Variants in FADS3 observed in about 807,000 individuals in gnomAD.
FADS3 encodes fatty acid desaturase 3, also known as cytochrome b5-related protein.
In FADS3, 30 loss-of-function variants were observed where a neutral mutation model predicts 60.4. The observed-to-expected ratio is 0.50, with a 90% CI of 0.37 to 0.67. The LOEUF is 0.67. FADS3 is among the 30% of genes least tolerant of loss of function. The pLI, the probability that FADS3 is intolerant of heterozygous loss-of-function variation, is 0.00. For synonymous variants in FADS3, 234 were observed against 249.3 expected, an observed-to-expected ratio of 0.94 and a Z score of 0.58; for missense variants, 432 against 598.3, an observed-to-expected ratio of 0.72 and a Z score of 2.90.
Position 61,877,682 on chromosome 11 carries a change from C to A in FADS3, c.809-95G>T. ...GGGGCTCTGTTACTCCAGGAATGCC[C>A]CTGGGACGTTGGTGCTGGTCACATC... On this transcript the variant is annotated intron_variant, in intron 6 of 11. Transcript: ENST00000278829. The surrounding 1 kb of genome is among the most constrained non-coding windows in gnomAD (Gnocchi z 4.7). 1 of 1,157,842 alleles carries A rather than the reference C, an allele frequency of 8.6e-7. No homozygotes were observed. The highest frequency in any genetic ancestry group is 1.3e-6 in the Non-Finnish European group (1 of 794,436). The allele number at this position is 1,157,842 out of a possible 1,614,324, so 71.7% of individuals were successfully genotyped here.
chr11:61,882,654 CA>C (rs1938177526), intron 1 of FADS3: 2 of 152,070 alleles, frequency 1.3e-5, no homozygotes, highest in African/African-American at 4.8e-5. Context: ...TGCCTGACTT[CA>C]AGCGATCCTC....
intron 1 of FADS3, among the ~76,000 whole-genome samples, chr11:61,884,569 G>A (rs1938245300): frequency 1.3e-5 from 2 of 152,184 alleles, no homozygotes; most frequent in South Asian, 2.1e-4. Flanking sequence ...GGTCCTTGCC[G>A]TGAGGCCAGT....
chr11:61,874,730 C>T (rs966363244), intron 11 of FADS3, among the ~76,000 whole-genome samples: 98 of 152,286 alleles, frequency 6.4e-4, no homozygotes, highest in African/African-American at 2.3e-3. Context: ...AGACCTCTCC[C>T]CTCCTCCCTG....
At chr11:61,886,762 TTCAA>T (rs1938334522) in intron 1 of FADS3, among the ~76,000 whole-genome samples, 1 of 152,230 alleles carries the variant, frequency 6.6e-6, no homozygotes, top group Non-Finnish European at 1.5e-5. Context: ...GTTAGGCGAA[TTCAA>T]TCAGTTACCA....
rs1182383966 is a variant in FADS3, at chr11:61,876,321, C to G, written c.1080+38G>C. 1 of 1,600,942 alleles carries G rather than the reference C, an allele frequency of 6.2e-7. No individual in the cohort carries two copies. Among genetic ancestry groups the G allele is most frequent in the Non-Finnish European group, 8.5e-7 (1 of 1,171,144 alleles). ...CCATCTGGCTCCTAGCTGGGACCCC[C>G]CACCCCACCCAGGATGGGCCCCACC... is the stretch of plus-strand genomic sequence containing the variant. On this transcript the variant is annotated intron_variant, in intron 9 of 11. Transcript: ENST00000278829. The surrounding 1 kb of genome is among the most constrained non-coding windows in gnomAD (Gnocchi z 5.7).
In FADS3 at chr11:61,877,173, G is replaced by A. The variant is rs1937927255; in HGVS notation, c.886-210C>T. The A allele has an allele frequency of 9.0e-6, 5 of 554,478 alleles. No homozygotes were observed. Among genetic ancestry groups the A allele is most frequent in the African/African-American group, 3.8e-5 (2 of 52,838 alleles). The allele number at this position is 554,478 out of a possible 1,614,324, so 34.3% of individuals were successfully genotyped here. On this transcript the variant is annotated intron_variant, in intron 7 of 11. Coordinates refer to ENST00000278829, the MANE Select transcript of FADS3 (RefSeq NM_021727.5). The surrounding 1 kb of genome is among the most constrained non-coding windows in gnomAD (Gnocchi z 4.7). The stretch of plus-strand genomic sequence containing the variant: ...AGCTCACGAGGCTGATTTTAGTGAC[G>A]AAGGTGTCATGCAGGGTGTGTTGGG...
intron 11 of FADS3, among the ~76,000 whole-genome samples, chr11:61,875,302 G>A (rs1289625694): frequency 1.3e-5 from 2 of 151,498 alleles, no homozygotes; most frequent in East Asian, 3.9e-4. Context: ...GCCCCTGCGA[G>A]TTCAAGTGAT....
chr11:61,877,140 G>A lies in FADS3; in HGVS notation c.886-177C>T, dbSNP rs1937926192. ...AGCTGAGTAAAGGAACAGGGTCCTT[G>A]CCCTGCCAGCTCACGAGGCTGATTT... On this transcript the variant is annotated intron_variant, in intron 7 of 11. Transcript: ENST00000278829. This position sits in a 1 kb window ranked among gnomAD's most constrained non-coding sequence, Gnocchi z 4.7. 5.3e-6 allele frequency: 3 copies of A among 566,654 alleles called. No individual in the cohort carries two copies. The highest frequency in any genetic ancestry group is 9.4e-6 in the Non-Finnish European group (3 of 317,972). 35.1% of individuals were successfully genotyped at this position (566,654 alleles called of 1,614,324 possible). A position where few individuals can be genotyped will look rare whatever the true frequency, so the allele number is the denominator to read the frequency against.
At position 61,877,231 on chromosome 11, in the gene FADS3, G is replaced by C; in HGVS notation, c.886-268C>G. On this transcript the variant is annotated intron_variant, in intron 7 of 11. Transcript: ENST00000278829. The surrounding 1 kb of genome is among the most constrained non-coding windows in gnomAD (Gnocchi z 4.7). ...CTGCCAGGGACACAGATGCCTGGCA[G>C]AGTCAGCCCAGCAACTCCTCCTGGG... 3 of 559,836 alleles carry C rather than the reference G, an allele frequency of 5.4e-6. No homozygotes were observed. The highest frequency in any genetic ancestry group is 9.6e-6 in the Non-Finnish European group (3 of 312,620). The allele number at this position is 559,836 out of a possible 1,614,324, so 34.7% of individuals were successfully genotyped here. A position where few individuals can be genotyped will look rare whatever the true frequency, so the allele number is the denominator to read the frequency against.
In FADS3 at chr11:61,877,508, C is replaced by T; in HGVS notation, c.885+3G>A. On this transcript the variant is annotated splice_donor_region_variant and intron_variant, in intron 7 of 11. Coordinates refer to ENST00000278829, the MANE Select transcript of FADS3 (RefSeq NM_021727.5). The surrounding 1 kb of genome is among the most constrained non-coding windows in gnomAD (Gnocchi z 4.7). ...GCCCGGGGTCCTGGGCAACCCCACT[C>T]ACCGCCCACTGCATGCACACCAGCA... 1 of 1,612,900 alleles carries T rather than the reference C, an allele frequency of 6.2e-7. No homozygotes were observed. The highest frequency in any genetic ancestry group is 1.1e-5 in the South Asian group (1 of 91,080).
chr11:61,882,612 G>A (rs979015975), intron 1 of FADS3: 2 of 152,006 alleles, frequency 1.3e-5, no homozygotes, highest in African/African-American at 4.8e-5. Flanking sequence ...GTAGAGTCAA[G>A]GTCTCACTAT....
chr11:61,890,919 CT>C (rs1938483059), intron 1 of FADS3, among the ~76,000 whole-genome samples: 1 of 152,232 alleles, frequency 6.6e-6, no homozygotes, highest in Non-Finnish European at 1.5e-5. Context: ...ACACACCCAC[CT>C]CTGAGGCCCC....
At position 61,883,407 on chromosome 11, in the gene FADS3, C is replaced by G. The variant is rs192998539; in HGVS notation, c.214-3256G>C. Among the ~76,000 whole-genome samples, 5 of 152,298 alleles carry G rather than the reference C, an allele frequency of 3.3e-5. No homozygotes were observed. The East Asian group carries it at 9.6e-4, about 29-fold the overall frequency. ...TCCTACCTTTTTAAGGCTGAGCCAG[C>G]GTGATGGTGAGTCCCTCTTTCTCCT... On this transcript the variant is annotated intron_variant, in intron 1 of 11. Transcript: ENST00000278829.
intron 1 of FADS3, among the ~76,000 whole-genome samples, chr11:61,885,753 G>A (rs1246084897): frequency 6.6e-6 from 1 of 152,144 alleles, no homozygotes; most frequent in Non-Finnish European, 1.5e-5. Context: ...GGCTGCTGAG[G>A]GCTCAGGTGG....
Position 61,880,141 on chromosome 11 carries a change from C to A in FADS3, c.224G>T (p.Arg75Leu). Residue 75 changes from arginine (R) to leucine (L), a missense_variant, in exon 2 of 12, where the codon CGT (arginine) becomes CTT (leucine). Transcript: ENST00000278829. The part of the protein sequence containing the change: ...HGAEDATDAF[R>L]AFHQDLNFVR... ...AAAATTGAGATCTTGATGGAAGGCACGGAAGGCATCCTGAAGGAGAGCAGA... is the reference window on the plus strand; with the variant it reads ...AAAATTGAGATCTTGATGGAAGGCAAGGAAGGCATCCTGAAGGAGAGCAGA... The A allele has an allele frequency of 6.2e-7, 1 of 1,613,778 alleles. No homozygotes were observed. Among genetic ancestry groups the A allele is most frequent in the Non-Finnish European group, 8.5e-7 (1 of 1,179,760 alleles).
Position 61,875,920 on chromosome 11 carries a change from G to T in FADS3, c.1217C>A (p.Ser406Ter). 1 of 1,613,846 alleles carries T rather than the reference G, an allele frequency of 6.2e-7. No individual in the cohort carries two copies. The highest frequency in any genetic ancestry group is 1.1e-5 in the South Asian group (1 of 91,084). Residue 406 changes from serine (S) to a stop codon, truncating the protein, a stop_gained, in exon 11 of 12, where the codon TCG becomes TAG. Coordinates refer to ENST00000278829, the MANE Select transcript of FADS3 (RefSeq NM_021727.5). LOFTEE classifies it high-confidence loss of function. ...GCTGAGGCCGTGCTTGGCACACAGC[G>T]ACTTGACCAGCGGGGCCACCCGGCT... ...NYSRVAPLVK[S>*]LCAKHGLSYE...
In FADS3 at chr11:61,876,681, GC is replaced by G; in HGVS notation, c.983+184del. 1.5e-6 allele frequency: 1 copy of G among 674,260 alleles called. No individual in the cohort carries two copies. The highest frequency in any genetic ancestry group is 2.6e-6 in the Non-Finnish European group (1 of 381,222). The allele number at this position is 674,260 out of a possible 1,614,324, so 41.8% of individuals were successfully genotyped here. A position where few individuals can be genotyped will look rare whatever the true frequency, so the allele number is the denominator to read the frequency against. On this transcript the variant is annotated intron_variant, in intron 8 of 11. Transcript: ENST00000278829. The surrounding 1 kb of genome is among the most constrained non-coding windows in gnomAD (Gnocchi z 5.7). The stretch of plus-strand genomic sequence containing the variant: ...ACCCACCGGGCCACTTACAAGCCAG[GC>G]CACGCTCCCTAAACCCACCGACCCT...
chr11:61,889,422 TG>T (rs1350612705), intron 1 of FADS3, among the ~76,000 whole-genome samples: 1 of 142,954 alleles, frequency 7.0e-6, no homozygotes, highest in Non-Finnish European at 1.5e-5. Context: ...GAGGCCGAGG[TG>T]GGTGGATCAC....
chr11:61,877,037 G>C lies in FADS3; in HGVS notation c.886-74C>G, dbSNP rs1431615586. 9.4e-7 allele frequency: 1 copy of C among 1,061,396 alleles called. No individual in the cohort carries two copies. Among genetic ancestry groups the C allele is most frequent in the Admixed American group, 2.6e-5 (1 of 39,062 alleles). 65.7% of individuals were successfully genotyped at this position (1,061,396 alleles called of 1,614,324 possible). A position where few individuals can be genotyped will look rare whatever the true frequency, so the allele number is the denominator to read the frequency against. ...GGTCTGGAGGCCTGGTGGGTGGGAG[G>C]AGGACCTCAGGCATCCAACCCTTCT... On this transcript the variant is annotated intron_variant, in intron 7 of 11. Coordinates refer to ENST00000278829, the MANE Select transcript of FADS3 (RefSeq NM_021727.5). This position sits in a 1 kb window ranked among gnomAD's most constrained non-coding sequence, Gnocchi z 4.7.
Sources: allele counts gnomAD v4.1 joint callset (sites outside exome capture counted in the v4.1 genomes callset), GRCh38; gene constraint gnomAD v4.1.1; non-coding constraint Gnocchi (gnomAD v3.1); transcripts MANE v1.5; gene names NCBI Gene and HGNC (gene_info 2026-07-23, HGNC 2026-07-21).